The following PABPC4L variants were observed in gnomAD, a reference collection of about 807,000 sequenced individuals.
PABPC4L encodes the protein polyadenylate-binding protein 4-like.
For missense variants in PABPC4L, 452 were observed against 451.4 expected, an observed-to-expected ratio of 1.00 and a Z score of -0.01; for synonymous variants, 169 against 164.1, an observed-to-expected ratio of 1.03 and a Z score of -0.23.
the PABPC4L span, among the ~76,000 whole-genome samples, chr4:134,108,687 C>T: frequency 6.6e-6 from 1 of 151,742 alleles, no homozygotes; most frequent in African/African-American, 2.4e-5. Flanking sequence ...ATTGACTCTT[C>T]CTTGGTTTCA....
chr4:134,119,502 A>G, the PABPC4L span, among the ~76,000 whole-genome samples: 2 of 151,732 alleles, frequency 1.3e-5, no homozygotes, highest in Non-Finnish European at 3.0e-5. Context: ...TTTATTTTTT[A>G]TAAAATATTT....
chr4:134,190,388 G>C, the PABPC4L span, among the ~76,000 whole-genome samples: 1 of 152,008 alleles, frequency 6.6e-6, no homozygotes, highest in Non-Finnish European at 1.5e-5. Context: ...TAACAGACTT[G>C]TATAGGTACC....
At chr4:134,090,662 C>T in the PABPC4L span, among the ~76,000 whole-genome samples, 3 of 151,674 alleles carry the variant, frequency 2.0e-5, no homozygotes, top group Admixed American at 6.6e-5. Flanking sequence ...ACTTGGGAGG[C>T]TGAGACAAAA....
the PABPC4L span, among the ~76,000 whole-genome samples, chr4:134,166,092 T>C: frequency 6.6e-6 from 1 of 152,122 alleles, no homozygotes; most frequent in Non-Finnish European, 1.5e-5. Context: ...TGCAAAGGCA[T>C]ACAGAGTGGT....
the PABPC4L span, among the ~76,000 whole-genome samples, chr4:134,173,171 A>G: frequency 6.6e-6 from 1 of 150,762 alleles, no homozygotes; most frequent in Admixed American, 6.6e-5. Context: ...AAAAAAAAAA[A>G]AAAAAAAAAG....
chr4:134,195,209 G>A (rs924148465), downstream of PABPC4L, among the ~76,000 whole-genome samples: 1 of 151,602 alleles, frequency 6.6e-6, no homozygotes, highest in Admixed American at 6.6e-5. Context: ...TCAAATTGAG[G>A]CATGTCTTTG....
chr4:134,081,028 T>C, the PABPC4L span, among the ~76,000 whole-genome samples: 2 of 152,218 alleles, frequency 1.3e-5, no homozygotes, highest in African/African-American at 4.8e-5. Context: ...TATAGACATC[T>C]AATATATTCA....
the PABPC4L span, among the ~76,000 whole-genome samples, chr4:134,022,754 TATTCTC>T: frequency 6.6e-6 from 1 of 152,026 alleles, no homozygotes; most frequent in Non-Finnish European, 1.5e-5. Flanking sequence ...AGCCTTAAGA[TATTCTC>T]ATGTCTTCTA....
chr4:133,992,811 A>G, the PABPC4L span, among the ~76,000 whole-genome samples: 1 of 152,196 alleles, frequency 6.6e-6, no homozygotes, highest in African/African-American at 2.4e-5. Context: ...TATCCAGTGC[A>G]GGATTCACTC....
the PABPC4L span, among the ~76,000 whole-genome samples, chr4:133,964,955 A>G: frequency 6.6e-6 from 1 of 152,164 alleles, no homozygotes; most frequent in East Asian, 1.9e-4. Context: ...TTAGTACTGG[A>G]AGTCCTAGCC....
the PABPC4L span, among the ~76,000 whole-genome samples, chr4:134,020,114 C>A: frequency 1.3e-5 from 2 of 152,110 alleles, no homozygotes; most frequent in Non-Finnish European, 1.5e-5. Context: ...CCTACCCAGA[C>A]CCCAAGAGAG....
At chr4:134,041,092 G>A in the PABPC4L span, among the ~76,000 whole-genome samples, 2 of 152,180 alleles carry the variant, frequency 1.3e-5, no homozygotes, top group African/African-American at 4.8e-5. Flanking sequence ...TGGAGAGGAT[G>A]TGGAGAAATG....
the PABPC4L span, among the ~76,000 whole-genome samples, chr4:134,014,348 C>T: frequency 6.6e-6 from 1 of 152,178 alleles, no homozygotes; most frequent in African/African-American, 2.4e-5. Context: ...CACTGTGAGA[C>T]AAACCCCAGC....
chr4:134,056,501 C>A, the PABPC4L span, among the ~76,000 whole-genome samples: 3 of 151,772 alleles, frequency 2.0e-5, no homozygotes, highest in African/African-American at 7.2e-5. Context: ...TTACATTTTT[C>A]ATTTCTATTA....
the PABPC4L span, among the ~76,000 whole-genome samples, chr4:134,167,412 CAAT>C: frequency 6.6e-5 from 10 of 151,018 alleles, no homozygotes; most frequent in East Asian, 3.9e-4. Context: ...GAAAACAAAG[CAAT>C]AATAATAATA....
chr4:134,133,385 A>C, the PABPC4L span, among the ~76,000 whole-genome samples: 9 of 143,658 alleles, frequency 6.3e-5, no homozygotes, highest in African/African-American at 2.3e-4. Flanking sequence ...TATACATAAT[A>C]TATAATAATA....
chr4:134,122,303 T>A, the PABPC4L span, among the ~76,000 whole-genome samples: 1 of 151,948 alleles, frequency 6.6e-6, no homozygotes, highest in Non-Finnish European at 1.5e-5. Context: ...ATATCTGCCA[T>A]CATGTACCAT....
chr4:134,029,157 T>G, the PABPC4L span, among the ~76,000 whole-genome samples: 1 of 152,124 alleles, frequency 6.6e-6, no homozygotes, highest in Admixed American at 6.6e-5. Context: ...TTCAATATAT[T>G]TAACAACCAG....
the PABPC4L span, among the ~76,000 whole-genome samples, chr4:134,108,382 A>G: frequency 6.6e-6 from 1 of 151,856 alleles, no homozygotes; most frequent in African/African-American, 2.4e-5. Context: ...TGACACTGGC[A>G]AAAGCCTCTT....
Sources: allele counts gnomAD v4.1 joint callset (sites outside exome capture counted in the v4.1 genomes callset), GRCh38; gene constraint gnomAD v4.1.1; transcripts MANE v1.5; gene names NCBI Gene and HGNC (gene_info 2026-07-23, HGNC 2026-07-21).